FMN1: variants seen among roughly 807,000 people sequenced by gnomAD.
The protein encoded by FMN1 is formin 1, also known as formin-1.
In FMN1, 110 loss-of-function variants were observed where a neutral mutation model predicts 132.4. The ratio of observed to expected loss-of-function variants is 0.83; its 90% CI spans 0.71 to 0.97. The LOEUF is 0.97. Ranked by LOEUF, FMN1 falls within the 50% of genes least tolerant of loss-of-function variation. The pLI is 0.00. For synonymous variants in FMN1, 722 were observed against 651.7 expected (o/e 1.11, Z -1.64); for missense variants, 1,792 against 1,705.3 (o/e 1.05, Z -0.90).
chr15:32,994,177 T>C (rs187737348), intron 7 of FMN1, among the ~76,000 whole-genome samples: 1 of 151,918 alleles, frequency 6.6e-6, no homozygotes, highest in East Asian at 1.9e-4. Context: ...TATCCGAGTA[T>C]GTTACATGCA....
At chr15:32,843,510 A>G (rs1200799180) in intron 17 of FMN1, among the ~76,000 whole-genome samples, 1 of 152,256 alleles carries the variant, frequency 6.6e-6, no homozygotes, top group African/African-American at 2.4e-5. Context: ...TATTAAAGAG[A>G]GAACAGTGCC....
rs1032610569 is a variant in FMN1 at position 32,902,185 on chromosome 15, A to G, written c.3378-145T>C. On this transcript the variant is annotated intron_variant, in intron 12 of 20. Coordinates refer to ENST00000616417, the MANE Select transcript of FMN1 (RefSeq NM_001277313.2). ...GGTGTCACATAGGTAGACTCAAGGAATTCCAAGGGCATGGTTTCCATTGTT... is the reference window on the plus strand; with the variant it reads ...GGTGTCACATAGGTAGACTCAAGGAGTTCCAAGGGCATGGTTTCCATTGTT... The G allele has an allele frequency of 6.0e-6, 4 of 668,404 alleles. No homozygotes were observed. In the African/African-American group the frequency reaches 7.3e-5, roughly 12 times the overall value. The allele number at this position is 668,404 out of a possible 1,614,324, so 41.4% of individuals were successfully genotyped here. A position where few individuals can be genotyped will look rare whatever the true frequency, so the allele number is the denominator to read the frequency against.
At chr15:32,903,688 A>G (rs1020273418) in intron 12 of FMN1, among the ~76,000 whole-genome samples, 1 of 152,232 alleles carries the variant, frequency 6.6e-6, no homozygotes, top group African/African-American at 2.4e-5. Flanking sequence ...TGAAAAGCAG[A>G]AAATGCTGAA....
rs79491750 is a variant in FMN1, at chr15:33,013,129, T to G, written c.2162-5054A>C. 6.4e-3 allele frequency: 2,598 copies of G among 403,772 alleles called. 64 individuals are homozygous for G. The highest frequency in any genetic ancestry group is 0.048 in the African/African-American group (2,337 of 48,378). The allele number at this position is 403,772 out of a possible 1,614,324, so 25.0% of individuals were successfully genotyped here. A position where few individuals can be genotyped will look rare whatever the true frequency, so the allele number is the denominator to read the frequency against. The stretch of plus-strand genomic sequence containing the variant: ...AGCCAGAGAAGTGACAGGGAAGCTA[T>G]AGGTTGCAACAGGTTTGTGAACTCA... On this transcript the variant is annotated intron_variant, in intron 6 of 20. Transcript: ENST00000616417.
chr15:32,844,380 C>T (rs981244953), intron 17 of FMN1, among the ~76,000 whole-genome samples: 3 of 152,034 alleles, frequency 2.0e-5, no homozygotes, highest in Non-Finnish European at 2.9e-5. Flanking sequence ...ATCTATCAGA[C>T]CTGCCCTCTT....
intron 12 of FMN1, among the ~76,000 whole-genome samples, chr15:32,903,322 A>G (rs1216796524): frequency 6.6e-6 from 1 of 152,254 alleles, no homozygotes; most frequent in African/African-American, 2.4e-5. Context: ...ACAAGATGAA[A>G]AAGTTAAACT....
At chr15:33,082,146 G>A (rs1167947735) in intron 5 of FMN1, among the ~76,000 whole-genome samples, 4 of 136,150 alleles carry the variant, frequency 2.9e-5, no homozygotes, top group Non-Finnish European at 3.1e-5. Context: ...ACAGAGTCTC[G>A]CTCTGTCACC....
intron 9 of FMN1, among the ~76,000 whole-genome samples, chr15:32,958,096 G>A (rs918220298): frequency 1.3e-5 from 2 of 152,106 alleles, no homozygotes; most frequent in Admixed American, 1.3e-4. Context: ...ATCTATATAT[G>A]CCTTTTGCTG....
intron 7 of FMN1, among the ~76,000 whole-genome samples, chr15:32,978,459 T>G (rs1042340318): frequency 6.6e-6 from 1 of 152,176 alleles, no homozygotes; most frequent in Non-Finnish European, 1.5e-5. Context: ...TCAGACTCTA[T>G]TTTTCCAAAA....
chr15:32,884,838 G>A (rs1002081614), intron 16 of FMN1, among the ~76,000 whole-genome samples: 1 of 152,192 alleles, frequency 6.6e-6, no homozygotes, highest in East Asian at 1.9e-4. Flanking sequence ...ACAATGTAGA[G>A]AAGCAAGCAC....
At chr15:33,065,209 G>T in intron 5 of FMN1, 135 bp from the exon 6 acceptor site, 1 of 553,036 alleles carries the variant, frequency 1.8e-6, no homozygotes. Flanking sequence ...CTATAATTCA[G>T]ATATCTCACT....
intron 4 of FMN1, among the ~76,000 whole-genome samples, chr15:33,099,875 C>T (rs1303939050): frequency 1.3e-5 from 2 of 152,190 alleles, no homozygotes; most frequent in East Asian, 3.8e-4. Context: ...TCTGCAATTT[C>T]TCCAGCACAT....
At chr15:33,156,273 GTTT>G (rs59517614) in intron 3 of FMN1, among the ~76,000 whole-genome samples, 33,137 of 87,204 alleles carry the variant, frequency 0.38, 5,781 homozygotes, top group Admixed American at 0.44. Flanking sequence ...CACTCAAGTA[GTTT>G]TTTTTTTTTT....
At chr15:32,868,423 A>ATAGGC in intron 16 of FMN1, among the ~76,000 whole-genome samples, 1 of 152,336 alleles carries the variant, frequency 6.6e-6, no homozygotes, top group South Asian at 2.1e-4. Context: ...CGTAGACGCC[A>ATAGGC]TAGGCTATAC....
intron 4 of FMN1, among the ~76,000 whole-genome samples, chr15:33,093,313 T>C (rs2038967546): frequency 6.6e-6 from 1 of 152,204 alleles, no homozygotes; most frequent in Non-Finnish European, 1.5e-5. Flanking sequence ...GCCGTGAATA[T>C]CAGAACTGAT....
At chr15:32,884,070 C>T (rs1050766680) in intron 16 of FMN1, among the ~76,000 whole-genome samples, 1 of 150,626 alleles carries the variant, frequency 6.6e-6, no homozygotes, top group Non-Finnish European at 1.5e-5. Flanking sequence ...GTGTGTCTGT[C>T]TCTGGTATTA....
At chr15:32,962,362 A>C (rs1596351924) in intron 9 of FMN1, among the ~76,000 whole-genome samples, 1 of 152,118 alleles carries the variant, frequency 6.6e-6, no homozygotes, top group Non-Finnish European at 1.5e-5. Context: ...TAAAGACTTA[A>C]ACGTTAGACC....
In FMN1 at chr15:32,968,994, G is replaced by T; in HGVS notation, c.2707C>A (p.Leu903Ile). 1 of 1,114,212 alleles carries T rather than the reference G, an allele frequency of 9.0e-7. No homozygotes were observed. 69.0% of individuals were successfully genotyped at this position (1,114,212 alleles called of 1,614,324 possible). The change falls in exon 8 of 21, where the codon CTA becomes ATA. Residue 903 changes from leucine (L) to isoleucine (I), a missense_variant. This residue lies in a region of FMN1 where 1,150 missense variants were observed against 1,043.1 expected (regional missense o/e 1.10). Coordinates refer to ENST00000616417, the MANE Select transcript of FMN1 (RefSeq NM_001277313.2). ...PMPPVSAGPP[L>I]PPPPPPPPPL... is the part of the protein sequence containing the mutation. The stretch of plus-strand genomic sequence containing the variant: ...GGCGGTGGAGGAGGCGGAGGTGGTA[G>T]CGGTGGCCCAGCACTCACAGGTGGC...
At chr15:32,891,951 T>C (rs1214729512) in intron 15 of FMN1, among the ~76,000 whole-genome samples, 1 of 152,192 alleles carries the variant, frequency 6.6e-6, no homozygotes, top group Non-Finnish European at 1.5e-5. Context: ...ATAGGCGCTT[T>C]CTGGAGGAGT....
Sources: allele counts gnomAD v4.1 joint callset (sites outside exome capture counted in the v4.1 genomes callset), GRCh38; gene constraint gnomAD v4.1.1; regional missense constraint gnomAD v4.1.1; transcripts MANE v1.5; gene names NCBI Gene and HGNC (gene_info 2026-07-23, HGNC 2026-07-21).